AUTS2: variants seen among roughly 807,000 people sequenced by gnomAD.
AUTS2 encodes activator of transcription and developmental regulator AUTS2, also known as autism susceptibility gene 2 protein.
In AUTS2, 17 loss-of-function variants were observed where a neutral mutation model predicts 112.4. The observed-to-expected ratio is 0.15, with a 90% confidence interval of 0.10 to 0.23. AUTS2 has a LOEUF of 0.23. AUTS2 is among the 10% of genes least tolerant of loss of function. The pLI is 1.00. For missense variants in AUTS2, 1,510 were observed against 1,701.6 expected, an observed-to-expected ratio of 0.89 and a Z score of 1.98; for synonymous variants, 751 against 702.7, an observed-to-expected ratio of 1.07 and a Z score of -1.09.
chr7:70,188,314 C>T (rs758804928), intron 4 of AUTS2, among the ~76,000 whole-genome samples: 1 of 151,972 alleles, frequency 6.6e-6, no homozygotes, highest in Non-Finnish European at 1.5e-5. Context: ...TCTACAGGGG[C>T]GGATCTTTGA....
At chr7:70,751,790 G>A (rs1380738724) in intron 6 of AUTS2, among the ~76,000 whole-genome samples, 2 of 151,884 alleles carry the variant, frequency 1.3e-5, no homozygotes, top group Non-Finnish European at 2.9e-5. Flanking sequence ...GGACGATCTC[G>A]GCTCACTGCA....
At chr7:69,812,423 G>A (rs1790582686) in intron 1 of AUTS2, among the ~76,000 whole-genome samples, 1 of 152,150 alleles carries the variant, frequency 6.6e-6, no homozygotes, top group Non-Finnish European at 1.5e-5. Flanking sequence ...ATGCTATATA[G>A]ATTACACTGC....
At chr7:70,188,009 G>A in intron 4 of AUTS2, among the ~76,000 whole-genome samples, 1 of 152,082 alleles carries the variant, frequency 6.6e-6, no homozygotes, top group East Asian at 1.9e-4. Flanking sequence ...TAAAATTCAG[G>A]TTTTTATAAA....
At chr7:70,059,997 G>A (rs1274650719) in intron 2 of AUTS2, among the ~76,000 whole-genome samples, 2 of 152,092 alleles carry the variant, frequency 1.3e-5, no homozygotes, top group Non-Finnish European at 2.9e-5. Flanking sequence ...TTTTCTACAG[G>A]TGGTGCAAGT....
chr7:70,049,255 T>C (rs1433907000), intron 2 of AUTS2, among the ~76,000 whole-genome samples: 1 of 152,224 alleles, frequency 6.6e-6, no homozygotes. Flanking sequence ...TGTTGTCATA[T>C]TCATTTTTAT....
chr7:70,191,098 T>C (rs1809855593), intron 4 of AUTS2, among the ~76,000 whole-genome samples: 1 of 152,058 alleles, frequency 6.6e-6, no homozygotes, highest in Non-Finnish European at 1.5e-5. Flanking sequence ...TTTCAGATAT[T>C]GTGCTCTTTG....
At chr7:70,362,692 T>C (rs1235074209) in intron 4 of AUTS2, among the ~76,000 whole-genome samples, 1 of 152,128 alleles carries the variant, frequency 6.6e-6, no homozygotes, top group African/African-American at 2.4e-5. Flanking sequence ...TTGATTTTAT[T>C]TTTTAATCAG....
intron 4 of AUTS2, among the ~76,000 whole-genome samples, chr7:70,235,648 C>G (rs1298885374): frequency 6.6e-6 from 1 of 151,212 alleles, no homozygotes; most frequent in Non-Finnish European, 1.5e-5. Flanking sequence ...TTTCTTTTTT[C>G]TTTTCTTTTC....
chr7:70,513,418 C>T (rs762922090), intron 5 of AUTS2, among the ~76,000 whole-genome samples: 36 of 152,118 alleles, frequency 2.4e-4, no homozygotes, highest in Non-Finnish European at 3.8e-4. Context: ...AGCCTGTGTA[C>T]GATCAAAGAC....
In AUTS2 at chr7:70,180,678, G is replaced by A. The variant is rs1809249574; in HGVS notation, c.660+46107G>A. Reference sequence around the variant, plus strand: ...TTGTCTTGCTGCCCAGTTTGGCTCAGGTACATGAACTGCAACCTACATTCT... The same window carrying A: ...TTGTCTTGCTGCCCAGTTTGGCTCAAGTACATGAACTGCAACCTACATTCT... On this transcript the variant is annotated intron_variant, in intron 4 of 18. Coordinates refer to ENST00000342771, the MANE Select transcript of AUTS2 (RefSeq NM_015570.4). Among the ~76,000 whole-genome samples the A allele has an allele frequency of 2.6e-5, 4 of 152,042 alleles. No homozygotes were observed. The South Asian group carries it at 8.3e-4, about 32-fold the overall frequency.
intron 4 of AUTS2, among the ~76,000 whole-genome samples, chr7:70,319,086 C>G (rs1440638523): frequency 6.6e-6 from 1 of 152,182 alleles, no homozygotes; most frequent in Admixed American, 6.5e-5. Flanking sequence ...CAAAACATCT[C>G]TGCTTCTGCC....
intron 2 of AUTS2, among the ~76,000 whole-genome samples, chr7:70,001,993 G>C (rs564891154): frequency 6.6e-6 from 1 of 152,266 alleles, no homozygotes; most frequent in African/African-American, 2.4e-5. Flanking sequence ...TTACAGGCGT[G>C]AGCCACCACA....
At chr7:69,863,694 C>G (rs1397337632) in intron 1 of AUTS2, among the ~76,000 whole-genome samples, 1 of 152,178 alleles carries the variant, frequency 6.6e-6, no homozygotes, top group East Asian at 1.9e-4. Context: ...AAGGTTCCAC[C>G]TAATTACAGA....
At chr7:69,887,528 C>T (rs1794331253) in intron 1 of AUTS2, among the ~76,000 whole-genome samples, 1 of 151,742 alleles carries the variant, frequency 6.6e-6, no homozygotes, top group Admixed American at 6.6e-5. Flanking sequence ...CTTACGGTAA[C>T]TACAATAGAA....
chr7:69,964,587 A>G (rs769083003), intron 2 of AUTS2, among the ~76,000 whole-genome samples: 1 of 151,890 alleles, frequency 6.6e-6, no homozygotes, highest in Non-Finnish European at 1.5e-5. Flanking sequence ...CCCAGGTAGA[A>G]TATCCATAAA....
chr7:70,720,177 A>G (rs904696014), intron 6 of AUTS2, among the ~76,000 whole-genome samples: 6 of 148,742 alleles, frequency 4.0e-5, no homozygotes, highest in Non-Finnish European at 8.9e-5. Flanking sequence ...ATCAACACGA[A>G]GTCTTTTTGT....
chr7:70,739,218 G>A (rs1457904721), intron 6 of AUTS2, among the ~76,000 whole-genome samples: 1 of 151,706 alleles, frequency 6.6e-6, no homozygotes. Context: ...TGAAGAGACA[G>A]GGTCTCACCA....
intron 5 of AUTS2, among the ~76,000 whole-genome samples, chr7:70,573,475 G>A (rs1802034746): frequency 6.6e-6 from 1 of 152,206 alleles, no homozygotes; most frequent in African/African-American, 2.4e-5. Context: ...TTTGATTAGG[G>A]GAGATTTGAT....
At chr7:70,474,908 C>T (rs932624957) in intron 5 of AUTS2, among the ~76,000 whole-genome samples, 28 of 152,180 alleles carry the variant, frequency 1.8e-4, no homozygotes, top group Non-Finnish European at 7.3e-5. Flanking sequence ...GGCTCATACT[C>T]CTTTGGGGAG....
Sources: allele counts gnomAD v4.1 joint callset (sites outside exome capture counted in the v4.1 genomes callset), GRCh38; gene constraint gnomAD v4.1.1; transcripts MANE v1.5; gene names NCBI Gene and HGNC (gene_info 2026-07-23, HGNC 2026-07-21).